ACOXL: variants seen among roughly 807,000 people sequenced by gnomAD.
ACOXL encodes acyl-CoA oxidase like.
Under a neutral mutation model 71.9 loss-of-function variants are expected in ACOXL, and 70 were observed. The ratio of observed to expected loss-of-function variants is 0.97; its 90% CI spans 0.80 to 1.19. ACOXL has a LOEUF of 1.19. Among genes scored for constraint, ACOXL ranks in the 50% most tolerant of loss-of-function variants. ACOXL has a pLI of 0.00. For synonymous variants in ACOXL, 253 were observed against 281.6 expected, an observed-to-expected ratio of 0.90 and a Z score of 1.02; for missense variants, 703 against 736.3, an observed-to-expected ratio of 0.95 and a Z score of 0.52.
intron 14 of ACOXL, among the ~76,000 whole-genome samples, chr2:111,008,584 C>T (rs1331701553): frequency 6.6e-6 from 1 of 152,154 alleles, no homozygotes; most frequent in African/African-American, 2.4e-5. Flanking sequence ...CAGTGAATAA[C>T]CTTATTATAT....
intron 10 of ACOXL, among the ~76,000 whole-genome samples, chr2:110,899,477 G>A (rs1339568603): frequency 1.3e-5 from 2 of 152,182 alleles, no homozygotes; most frequent in Non-Finnish European, 2.9e-5. Context: ...GCCATGAAAT[G>A]GAAGGGAAAG....
chr2:110,989,367 CTG>C (rs1315170387), intron 13 of ACOXL, among the ~76,000 whole-genome samples: 1 of 152,090 alleles, frequency 6.6e-6, no homozygotes, highest in African/African-American at 2.4e-5. Flanking sequence ...CAACAATACA[CTG>C]TTATAATTAC....
rs1352505601 is a variant in ACOXL at position 110,915,395 on chromosome 2, T to TGC, written c.905+6491_905+6492insCG. On this transcript the variant is annotated intron_variant, in intron 11 of 17. Coordinates refer to ENST00000439055, the MANE Select transcript of ACOXL (RefSeq NM_001142807.4). ...GTGTGTGTGTGTATGTATGTGTGTG[T>TGC]GTGTGTATATACATATATATATATA... is the stretch of plus-strand genomic sequence containing the variant. Among the ~76,000 whole-genome samples, 2 of 144,434 alleles carry TGC rather than the reference T, an allele frequency of 1.4e-5. 1 individual carries two copies. Among genetic ancestry groups the TGC allele is most frequent in the Admixed American group, 1.4e-4 (2 of 14,090 alleles). The allele number at this position is 144,434 out of a possible 152,430, so 94.8% of individuals were successfully genotyped here.
intron 1 of ACOXL, among the ~76,000 whole-genome samples, chr2:110,734,426 C>T (rs771109358): frequency 3.3e-5 from 5 of 152,000 alleles, no homozygotes; most frequent in African/African-American, 7.3e-5. Flanking sequence ...CCCACCACCA[C>T]GCCTGGCTAA....
intron 16 of ACOXL, among the ~76,000 whole-genome samples, chr2:111,069,077 G>A (rs1274932237): frequency 2.0e-5 from 3 of 151,446 alleles, no homozygotes; most frequent in Admixed American, 1.3e-4. Flanking sequence ...GCAGATGGCC[G>A]TCTTCTCGCT....
chr2:110,973,238 G>T (rs1574340838), intron 12 of ACOXL, among the ~76,000 whole-genome samples: 1 of 152,322 alleles, frequency 6.6e-6, no homozygotes, highest in Middle Eastern at 3.4e-3. Flanking sequence ...GCCATCAGAT[G>T]ACTGAGTATT....
At chr2:110,994,724 A>T (rs1229921332) in intron 13 of ACOXL, among the ~76,000 whole-genome samples, 1 of 152,164 alleles carries the variant, frequency 6.6e-6, no homozygotes, top group Non-Finnish European at 1.5e-5. Context: ...TCTGTGCCTC[A>T]GTTTCCTCAT....
chr2:110,920,499 G>A (rs2060025326), intron 11 of ACOXL, among the ~76,000 whole-genome samples: 1 of 151,574 alleles, frequency 6.6e-6, no homozygotes, highest in South Asian at 2.1e-4. Context: ...ATTTTTATTT[G>A]CAAATGTTTT....
chr2:110,752,416 C>A (rs929822088), intron 1 of ACOXL, among the ~76,000 whole-genome samples: 9 of 151,568 alleles, frequency 5.9e-5, no homozygotes, highest in Non-Finnish European at 1.5e-5. Flanking sequence ...GCCTGGAGTT[C>A]AAGACAAGCC....
chr2:111,090,722 G>A (rs780066390), intron 16 of ACOXL, among the ~76,000 whole-genome samples: 2 of 152,200 alleles, frequency 1.3e-5, no homozygotes, highest in Non-Finnish European at 2.9e-5. Flanking sequence ...GGAGCTCTCT[G>A]TGATCAAGCA....
intron 14 of ACOXL, among the ~76,000 whole-genome samples, chr2:111,008,380 C>A (rs2063975681): frequency 6.6e-6 from 1 of 152,140 alleles, no homozygotes; most frequent in South Asian, 2.1e-4. Flanking sequence ...TTCCTACATA[C>A]CTCATGTAGG....
At chr2:110,849,043 C>T (rs1011986367) in intron 10 of ACOXL, among the ~76,000 whole-genome samples, 1 of 152,222 alleles carries the variant, frequency 6.6e-6, no homozygotes, top group Non-Finnish European at 1.5e-5. Flanking sequence ...ACTCACCCTC[C>T]AACAGCCCCC....
intron 9 of ACOXL, among the ~76,000 whole-genome samples, chr2:110,831,949 T>C (rs1689880940): frequency 6.6e-6 from 1 of 152,106 alleles, no homozygotes; most frequent in South Asian, 2.1e-4. Flanking sequence ...GACTTAAATG[T>C]AAAATTTAAA....
intron 9 of ACOXL, among the ~76,000 whole-genome samples, chr2:110,837,690 A>AT (rs1690623585): frequency 6.6e-6 from 1 of 151,990 alleles, no homozygotes; most frequent in Non-Finnish European, 1.5e-5. Context: ...AAAAAGGAGC[A>AT]TTTTCAAGCT....
At position 111,115,892 on chromosome 2, in the gene ACOXL, T is replaced by C. The variant is rs375822877; in HGVS notation, c.1543-1724T>C. The stretch of plus-strand genomic sequence containing the variant: ...CCAGCCATTGGGTTCCTTTTCAAGT[T>C]TATTTTTTTAAAATTTTCTTTATAT... On this transcript the variant is annotated intron_variant, in intron 17 of 17. Coordinates refer to ENST00000439055, the MANE Select transcript of ACOXL (RefSeq NM_001142807.4). 2.0e-5 allele frequency among the ~76,000 whole-genome samples: 3 copies of C among 152,352 alleles called. No individual in the cohort carries two copies. The South Asian group carries it at 6.2e-4, about 32-fold the overall frequency.
intron 10 of ACOXL, among the ~76,000 whole-genome samples, chr2:110,886,494 A>G (rs1385391218): frequency 6.6e-6 from 1 of 150,706 alleles, no homozygotes; most frequent in Non-Finnish European, 1.5e-5. Flanking sequence ...CTCCTGCCTC[A>G]GCCTCCTGAG....
intron 9 of ACOXL, among the ~76,000 whole-genome samples, chr2:110,832,668 A>G (rs1435288223): frequency 6.6e-6 from 1 of 152,248 alleles, no homozygotes; most frequent in Non-Finnish European, 1.5e-5. Context: ...AAATATTTAC[A>G]AATCACATAT....
At chr2:110,982,215 G>A (rs1490429636) in intron 12 of ACOXL, among the ~76,000 whole-genome samples, 2 of 152,078 alleles carry the variant, frequency 1.3e-5, no homozygotes, top group Non-Finnish European at 2.9e-5. Context: ...GAGTGCAGTG[G>A]CGCAATCTCA....
At chr2:110,779,911 C>T (rs1683120832) in intron 2 of ACOXL, among the ~76,000 whole-genome samples, 1 of 152,114 alleles carries the variant, frequency 6.6e-6, no homozygotes, top group Admixed American at 6.6e-5. Flanking sequence ...TTAGAGGAGA[C>T]TCAAAAATCA....
Sources: allele counts gnomAD v4.1 joint callset (sites outside exome capture counted in the v4.1 genomes callset), GRCh38; gene constraint gnomAD v4.1.1; transcripts MANE v1.5; gene names NCBI Gene and HGNC (gene_info 2026-07-23, HGNC 2026-07-21).